The following VPS13B variants were observed in gnomAD, a reference collection of about 807,000 sequenced individuals.
VPS13B encodes vacuolar protein sorting 13 homolog B.
In VPS13B, 285 loss-of-function variants were observed where a neutral mutation model predicts 426.4. That is an observed-to-expected ratio of 0.67 (90% CI 0.61 to 0.74). The LOEUF is 0.74. Ranked by LOEUF, VPS13B falls within the 30% of genes least tolerant of loss-of-function variation. The pLI, the probability that VPS13B is intolerant of heterozygous loss-of-function variation, is 0.00. For synonymous variants in VPS13B, 1,676 were observed against 1,676.4 expected, an observed-to-expected ratio of 1.00 and a Z score of 0.01; for missense variants, 4,537 against 4,782.6, an observed-to-expected ratio of 0.95 and a Z score of 1.51.
chr8:99,490,621 T>A (rs1820556566), intron 25 of VPS13B, among the ~76,000 whole-genome samples: 1 of 152,242 alleles, frequency 6.6e-6, no homozygotes, highest in Non-Finnish European at 1.5e-5. Flanking sequence ...CTTCCTGGTT[T>A]AGTCTTGGGA....
At chr8:99,783,588 T>A (rs892155934) in intron 42 of VPS13B, among the ~76,000 whole-genome samples, 1 of 152,180 alleles carries the variant, frequency 6.6e-6, no homozygotes, top group African/African-American at 2.4e-5. Flanking sequence ...CAAAGGAACG[T>A]ATTATTAATT....
At position 99,046,716 on chromosome 8, in the gene VPS13B, C is replaced by G. The variant is rs151138654; in HGVS notation, c.291+8150C>G. ...GCATTTATTACATTGAGGTATGTTA[C>G]TTGTATGCCAATTTTCCTGAGAGTT... On this transcript the variant is annotated intron_variant, in intron 3 of 61. Coordinates refer to ENST00000357162, the MANE Select transcript of VPS13B (RefSeq NM_152564.5). Among the ~76,000 whole-genome samples, 456 of 152,186 alleles carry G rather than the reference C, an allele frequency of 3.0e-3. 3 individuals carry two copies. Among genetic ancestry groups the G allele is most frequent in the South Asian group, 0.014 (69 of 4,822 alleles).
chr8:99,826,630 G>A (rs982539178), intron 51 of VPS13B, among the ~76,000 whole-genome samples: 1 of 152,208 alleles, frequency 6.6e-6, no homozygotes, highest in Non-Finnish European at 1.5e-5. Context: ...CTGAGAGAGG[G>A]CATCCTTGTC....
In VPS13B at chr8:99,072,242, C is replaced by T. The variant is rs1272689960; in HGVS notation, c.292-24070C>T. 2.0e-5 allele frequency among the ~76,000 whole-genome samples: 3 copies of T among 152,202 alleles called. No homozygotes were observed. The East Asian group carries it at 5.8e-4, about 29-fold the overall frequency. On this transcript the variant is annotated intron_variant, in intron 3 of 61. Transcript: ENST00000357162. Reference sequence around the variant, plus strand: ...ACCCCTAGACCCACGGTGAGTACTACCTGATTACTGCTGGTGTTTATCCAC... The same window carrying T: ...ACCCCTAGACCCACGGTGAGTACTATCTGATTACTGCTGGTGTTTATCCAC...
intron 25 of VPS13B, among the ~76,000 whole-genome samples, chr8:99,485,529 G>T (rs1158946458): frequency 6.6e-6 from 1 of 152,116 alleles, no homozygotes; most frequent in Non-Finnish European, 1.5e-5. Flanking sequence ...AGCTTTCAAT[G>T]CTGTGGAGAT....
intron 2 of VPS13B, among the ~76,000 whole-genome samples, chr8:99,022,542 T>G (rs1841951163): frequency 6.6e-6 from 1 of 152,192 alleles, no homozygotes; most frequent in Non-Finnish European, 1.5e-5. Flanking sequence ...TTTTTGTAAG[T>G]GTTTCATGTG....
chr8:99,127,353 C>T (rs1232284178), intron 8 of VPS13B, among the ~76,000 whole-genome samples: 1 of 152,158 alleles, frequency 6.6e-6, no homozygotes, highest in African/African-American at 2.4e-5. Context: ...AATTCAACTG[C>T]CAATTTTATA....
chr8:99,274,823 A>T (rs1818808193), intron 18 of VPS13B, among the ~76,000 whole-genome samples: 1 of 152,076 alleles, frequency 6.6e-6, no homozygotes, highest in African/African-American at 2.4e-5. Context: ...GATTTCATTT[A>T]ATTTTTAGAA....
At chr8:99,432,425 G>C (rs1272390133) in intron 22 of VPS13B, among the ~76,000 whole-genome samples, 2 of 152,048 alleles carry the variant, frequency 1.3e-5, no homozygotes, top group Non-Finnish European at 2.9e-5. Flanking sequence ...CAAAATTACA[G>C]CTATATTAAG....
intron 19 of VPS13B, among the ~76,000 whole-genome samples, chr8:99,354,060 T>G (rs998339889): frequency 3.9e-5 from 6 of 152,060 alleles, no homozygotes; most frequent in African/African-American, 1.4e-4. Context: ...ATTTAAGTCT[T>G]ATTTCCTGAT....
At chr8:99,097,083 A>G (rs6999263) in intron 4 of VPS13B, among the ~76,000 whole-genome samples, 111,787 of 152,068 alleles carry the variant, frequency 0.74, 41,823 homozygotes, top group South Asian at 0.87. Flanking sequence ...GAGGAGAACT[A>G]TTTGCAGGGA....
At chr8:99,752,431 T>C (rs1050187238) in intron 39 of VPS13B, among the ~76,000 whole-genome samples, 2 of 152,186 alleles carry the variant, frequency 1.3e-5, no homozygotes, top group African/African-American at 4.8e-5. Flanking sequence ...TATTGGAACA[T>C]AGACACATAT....
intron 22 of VPS13B, among the ~76,000 whole-genome samples, chr8:99,435,056 CTT>C (rs1226335859): frequency 2.6e-5 from 4 of 152,118 alleles, no homozygotes; most frequent in Non-Finnish European, 5.9e-5. Flanking sequence ...CCTTAGAAAA[CTT>C]AACGATGAAA....
intron 17 of VPS13B, among the ~76,000 whole-genome samples, chr8:99,238,338 G>A (rs1563619799): frequency 6.6e-6 from 1 of 151,982 alleles, no homozygotes; most frequent in African/African-American, 2.4e-5. Context: ...TCTGGTTCTA[G>A]TATTTACTAT....
chr8:99,471,378 T>C (rs1003449563), intron 24 of VPS13B, among the ~76,000 whole-genome samples: 1 of 152,090 alleles, frequency 6.6e-6, no homozygotes, highest in Admixed American at 6.6e-5. Flanking sequence ...TAGTGGAAGA[T>C]GGAGTAAAAG....
intron 17 of VPS13B, among the ~76,000 whole-genome samples, chr8:99,203,005 C>T (rs1327269012): frequency 3.3e-5 from 5 of 151,088 alleles, no homozygotes; most frequent in East Asian, 1.9e-4. Flanking sequence ...GCCGAGATCA[C>T]GCCACTGCAC....
chr8:99,386,082 A>T (rs1814106186), intron 20 of VPS13B, among the ~76,000 whole-genome samples: 1 of 152,194 alleles, frequency 6.6e-6, no homozygotes, highest in Admixed American at 6.5e-5. Context: ...GGTGATACAG[A>T]AGTTAGACTA....
intron 40 of VPS13B, among the ~76,000 whole-genome samples, chr8:99,769,721 A>G (rs1419811025): frequency 6.6e-6 from 1 of 152,234 alleles, no homozygotes; most frequent in Admixed American, 6.5e-5. Flanking sequence ...GTGAAGACCT[A>G]GGTTTAAGGC....
intron 19 of VPS13B, among the ~76,000 whole-genome samples, chr8:99,330,502 A>C (rs1810491750): frequency 6.6e-6 from 1 of 151,716 alleles, no homozygotes. Flanking sequence ...CCTAAAGCTC[A>C]TGCATTATTC....
Sources: gnomAD v4.1 joint callset for allele counts (sites outside exome capture counted in the v4.1 genomes callset) on GRCh38, gnomAD v4.1.1 for gene constraint, MANE v1.5 for transcripts, NCBI Gene and HGNC (gene_info 2026-07-23, HGNC 2026-07-21) for gene names.